Variants in SDR16C5 observed in about 807,000 individuals in gnomAD.
The protein encoded by SDR16C5 is epidermal retinol dehydrogenase 2.
SDR16C5 carries 20 observed loss-of-function variants against 27.7 expected under a neutral mutation model. The ratio of observed to expected loss-of-function variants is 0.72; its 90% CI spans 0.51 to 1.05. The LOEUF (loss-of-function observed/expected upper bound fraction) is 1.05. Ranked by LOEUF, SDR16C5 falls within the 50% of genes least tolerant of loss-of-function variation. SDR16C5 has a pLI of 0.00. For missense variants in SDR16C5, 374 were observed against 366.3 expected (o/e 1.02, Z -0.17); for synonymous variants, 139 against 132.3 (o/e 1.05, Z -0.35).
In SDR16C5 at chr8:56,300,139, G is replaced by T. The variant is rs1271272005; in HGVS notation, c.*1341C>A. 1.3e-5 allele frequency: 2 copies of T among 151,436 alleles called. No homozygotes were observed. Among genetic ancestry groups the T allele is most frequent in the Non-Finnish European group, 2.9e-5 (2 of 67,910 alleles). The allele number at this position is 151,436 out of a possible 1,614,324, so 9.4% of individuals were successfully genotyped here. ...TAATTTGCTGCCGGGCACAGTAAATGTTAGTTATGATTGTTATAATATTAT... is the reference window on the plus strand; with the variant it reads ...TAATTTGCTGCCGGGCACAGTAAATTTTAGTTATGATTGTTATAATATTAT... On this transcript the variant is annotated 3_prime_UTR_variant, in exon 7 of 7. Coordinates refer to ENST00000303749, the MANE Select transcript of SDR16C5 (RefSeq NM_138969.4).
intron 2 of SDR16C5, among the ~76,000 whole-genome samples, chr8:56,315,637 T>C (rs1162895508): frequency 2.0e-5 from 3 of 152,050 alleles, no homozygotes; most frequent in African/African-American, 4.8e-5. Flanking sequence ...ACTTACACTG[T>C]AATAGGGGCC....
At chr8:56,304,162 A>C in intron 6 of SDR16C5, 1 of 677,536 alleles carries the variant, frequency 1.5e-6, no homozygotes, top group South Asian at 1.6e-5. Flanking sequence ...GAGAAAAGAA[A>C]TTTCTGTACA....
At chr8:56,307,396 T>C (rs1814913759) in intron 4 of SDR16C5, among the ~76,000 whole-genome samples, 2 of 152,330 alleles carry the variant, frequency 1.3e-5, no homozygotes, top group South Asian at 4.1e-4. Context: ...GGCATTTGTG[T>C]CCATTTTCAG....
At chr8:56,317,525 G>A (rs1255911670) in intron 1 of SDR16C5, among the ~76,000 whole-genome samples, 2 of 152,222 alleles carry the variant, frequency 1.3e-5, no homozygotes, top group Admixed American at 1.3e-4. Context: ...TGAATGGGGT[G>A]TTTAATTGAG....
Position 56,309,977 on chromosome 8 carries a change from G to C in SDR16C5, c.466-950C>G, listed in dbSNP as rs140491161. ...ATGAACTTGCCCAGAAGAAGTAAAGGGAGTGAGATGACATGAGGAGTGGTA... is the reference window on the plus strand; with the variant it reads ...ATGAACTTGCCCAGAAGAAGTAAAGCGAGTGAGATGACATGAGGAGTGGTA... On this transcript the variant is annotated intron_variant, in intron 3 of 6. Coordinates refer to ENST00000303749, the MANE Select transcript of SDR16C5 (RefSeq NM_138969.4). Among the ~76,000 whole-genome samples, 378 of 151,656 alleles carry C rather than the reference G, an allele frequency of 2.5e-3. 1 individual carries two copies. The highest frequency in any genetic ancestry group is 8.8e-3 in the African/African-American group (362 of 41,276).
chr8:56,318,345 ATGAT>A (rs1452471737), intron 1 of SDR16C5, among the ~76,000 whole-genome samples: 21 of 152,222 alleles, frequency 1.4e-4, no homozygotes, highest in Admixed American at 1.1e-3. Context: ...TAACTTTTGA[ATGAT>A]TGATCAGGCC....
At position 56,305,579 on chromosome 8, in the gene SDR16C5, A is replaced by G. The variant is rs1276550767; in HGVS notation, c.836+18T>C. 1 of 1,564,710 alleles carries G rather than the reference A, an allele frequency of 6.4e-7. No homozygotes were observed. The highest frequency in any genetic ancestry group is 8.6e-7 in the Non-Finnish European group (1 of 1,163,702). On this transcript the variant is annotated intron_variant, in intron 6 of 6. Coordinates refer to ENST00000303749, the MANE Select transcript of SDR16C5 (RefSeq NM_138969.4). ...TAGACTGGCATGTTAGGGAAGTAAT[A>G]GAAGCTGATGTAATTACCTTTTAAG... is the stretch of plus-strand genomic sequence containing the variant.
chr8:56,303,117 C>T (rs1354743127), intron 6 of SDR16C5, among the ~76,000 whole-genome samples: 1 of 151,972 alleles, frequency 6.6e-6, no homozygotes, highest in Non-Finnish European at 1.5e-5. Flanking sequence ...AGTTCAAGAC[C>T]AGCCTGGCCA....
chr8:56,313,974 C>T (rs563906547), intron 2 of SDR16C5, among the ~76,000 whole-genome samples: 4 of 152,086 alleles, frequency 2.6e-5, no homozygotes, highest in African/African-American at 7.2e-5. Flanking sequence ...TTTGGGAGGC[C>T]GAGGCGGGTG....
At chr8:56,310,675 G>A (rs1026975317) in intron 3 of SDR16C5, among the ~76,000 whole-genome samples, 4 of 148,958 alleles carry the variant, frequency 2.7e-5, no homozygotes, top group South Asian at 2.1e-4. Flanking sequence ...CCGAGATCGC[G>A]CCACTGCACT....
intron 2 of SDR16C5, among the ~76,000 whole-genome samples, chr8:56,314,036 G>A (rs549664711): frequency 2.6e-5 from 4 of 152,096 alleles, no homozygotes; most frequent in South Asian, 4.2e-4. Flanking sequence ...GTGAAACCCC[G>A]TCTCTACTAA....
intron 3 of SDR16C5, 66 bp downstream of exon 3, chr8:56,312,091 C>A: frequency 1.4e-6 from 2 of 1,385,762 alleles, no homozygotes; most frequent in East Asian, 2.3e-5. Flanking sequence ...TGTAAAAGAG[C>A]AAGAGGAAAA....
At chr8:56,304,295 A>G (rs531719401) in intron 6 of SDR16C5, among the ~76,000 whole-genome samples, 44 of 152,326 alleles carry the variant, frequency 2.9e-4, no homozygotes, top group African/African-American at 1.0e-3. Flanking sequence ...GAGAAGCACA[A>G]ACCAATGAGG....
intron 1 of SDR16C5, among the ~76,000 whole-genome samples, chr8:56,318,922 C>G (rs1197148732): frequency 1.3e-5 from 2 of 152,078 alleles, no homozygotes; most frequent in Non-Finnish European, 2.9e-5. Flanking sequence ...CCAGATATAT[C>G]ACTGATTTTC....
At chr8:56,305,290 ATCTC>A (rs1266440066) in intron 6 of SDR16C5, among the ~76,000 whole-genome samples, 1 of 152,158 alleles carries the variant, frequency 6.6e-6, no homozygotes, top group East Asian at 1.9e-4. Flanking sequence ...GCGCAAGAAA[ATCTC>A]TCCTAAAAAA....
Position 56,316,281 on chromosome 8 carries a change from G to C in SDR16C5, c.67C>G (p.Leu23Val). Residue 23 changes from leucine (L) to valine (V), a missense_variant, in exon 2 of 7, where the codon CTG (leucine) becomes GTG (valine). Transcript: ENST00000303749. ...AGTAAGGCAAAAATCATAGCCTCCA[G>C]AAGACTAAACAGTGATTTTCCTAAG... is the stretch of plus-strand genomic sequence containing the variant. ...IFLGKSLFSL[L>V]EAMIFALLPK... 1 of 1,613,876 alleles carries C rather than the reference G, an allele frequency of 6.2e-7. No individual in the cohort carries two copies. Among genetic ancestry groups the C allele is most frequent in the Non-Finnish European group, 8.5e-7 (1 of 1,179,744 alleles).
At position 56,312,169 on chromosome 8, in the gene SDR16C5, T is replaced by C. The variant is rs770840018; in HGVS notation, c.453A>G (p.Lys151=). The C allele has an allele frequency of 6.2e-7, 1 of 1,612,554 alleles. No individual in the cohort carries two copies. Among genetic ancestry groups the C allele is most frequent in the South Asian group, 1.1e-5 (1 of 90,992 alleles). The change falls in exon 3 of 7, where the codon AAA becomes AAG. Residue 151 remains lysine (K), a synonymous_variant. Coordinates refer to ENST00000303749, the MANE Select transcript of SDR16C5 (RefSeq NM_138969.4). ...LMEKSFDVNF[K]AHLWTYKAFL... Reference sequence around the variant, plus strand: ...AAACAATTATTACCCATAAATGTGCTTTGAAATTCACATCAAATGACTTTT... The same window carrying C: ...AAACAATTATTACCCATAAATGTGCCTTGAAATTCACATCAAATGACTTTT...
intron 2 of SDR16C5, 150 bp from the exon 3 acceptor site, chr8:56,312,438 C>T (rs1189073523): frequency 1.5e-6 from 1 of 686,276 alleles, no homozygotes; most frequent in Non-Finnish European, 2.5e-6. Flanking sequence ...GGCGCAGTGG[C>T]TCACACCTGT....
At chr8:56,315,461 G>T (rs1013900263) in intron 2 of SDR16C5, among the ~76,000 whole-genome samples, 2 of 152,168 alleles carry the variant, frequency 1.3e-5, no homozygotes, top group African/African-American at 2.4e-5. Flanking sequence ...TTCGAACGTA[G>T]GGTACTGTGG....
Sources: allele counts gnomAD v4.1 joint callset (sites outside exome capture counted in the v4.1 genomes callset), GRCh38; gene constraint gnomAD v4.1.1; transcripts MANE v1.5; gene names NCBI Gene and HGNC (gene_info 2026-07-23, HGNC 2026-07-21).